The following CLSTN2 variants were observed in gnomAD, a reference collection of about 807,000 sequenced individuals.
CLSTN2 encodes the protein calsyntenin-2.
A neutral mutation model predicts 101.2 loss-of-function variants in CLSTN2; 48 were observed. The ratio of observed to expected loss-of-function variants is 0.47; its 90% CI spans 0.38 to 0.60. The LOEUF is 0.60. Ranked by LOEUF, CLSTN2 falls within the 20% of genes least tolerant of loss-of-function variation. The pLI, the probability that CLSTN2 is intolerant of heterozygous loss-of-function variation, is 0.00. For synonymous variants in CLSTN2, 481 were observed against 463.6 expected (o/e 1.04, Z -0.48); for missense variants, 1,160 against 1,238.2 (o/e 0.94, Z 0.95).
At chr3:140,052,200 C>T (rs1316193366) in intron 1 of CLSTN2, among the ~76,000 whole-genome samples, 1 of 152,062 alleles carries the variant, frequency 6.6e-6, no homozygotes, top group African/African-American at 2.4e-5. Context: ...GCTCTGTCGC[C>T]CAGGCTGGAG....
rs145733811 is a variant in CLSTN2 at position 140,215,977 on chromosome 3, C to T, written c.232+39904C>T. Among the ~76,000 whole-genome samples the T allele has an allele frequency of 4.4e-3, 675 of 152,270 alleles. 4 individuals carry two copies. Among genetic ancestry groups the T allele is most frequent in the African/African-American group, 0.015 (621 of 41,574 alleles). On this transcript the variant is annotated intron_variant, in intron 2 of 16. Transcript: ENST00000458420. ...CAGGGGTCCCCAACCCCTGGGGCCT[C>T]GGGCCATTACTGGTCCATGGCCTGT...
intron 1 of CLSTN2, among the ~76,000 whole-genome samples, chr3:139,941,027 T>C (rs1451716910): frequency 6.6e-6 from 1 of 152,158 alleles, no homozygotes; most frequent in African/African-American, 2.4e-5. Flanking sequence ...AAGGCATACT[T>C]TTTTGTTTAA....
At chr3:140,271,976 T>C (rs1576493865) in intron 2 of CLSTN2, among the ~76,000 whole-genome samples, 1 of 152,346 alleles carries the variant, frequency 6.6e-6, no homozygotes, top group Admixed American at 6.5e-5. Flanking sequence ...TAACTTCCTG[T>C]CCTATTCTTT....
intron 1 of CLSTN2, among the ~76,000 whole-genome samples, chr3:139,945,165 T>C (rs1935196930): frequency 1.3e-5 from 2 of 152,196 alleles, no homozygotes; most frequent in Admixed American, 6.5e-5. Flanking sequence ...CTTTGGAGTC[T>C]TAATCAAGTC....
chr3:140,449,717 G>C (rs1933194398), intron 6 of CLSTN2: 1 of 152,162 alleles, frequency 6.6e-6, no homozygotes, highest in Non-Finnish European at 1.5e-5. Context: ...CAGCTGTCTT[G>C]GTTCTATGTA....
At chr3:140,507,538 C>T (rs1221118963) in intron 8 of CLSTN2, 1 of 152,142 alleles carries the variant, frequency 6.6e-6, no homozygotes, top group African/African-American at 2.4e-5. Context: ...CACAAACCCA[C>T]CCCTCGCTTC....
At chr3:140,537,454 T>C (rs1935380380) in intron 9 of CLSTN2, among the ~76,000 whole-genome samples, 2 of 152,182 alleles carry the variant, frequency 1.3e-5, no homozygotes, top group African/African-American at 4.8e-5. Context: ...GTGGCATCTC[T>C]CAATTGTAGG....
chr3:140,387,888 T>C (rs1161138921), intron 2 of CLSTN2, among the ~76,000 whole-genome samples: 2 of 152,246 alleles, frequency 1.3e-5, no homozygotes, highest in African/African-American at 2.4e-5. Context: ...ATGATTCAGA[T>C]TTTTTGTTTC....
intron 2 of CLSTN2, among the ~76,000 whole-genome samples, chr3:140,368,742 C>G (rs1289961475): frequency 1.3e-5 from 2 of 152,196 alleles, no homozygotes; most frequent in African/African-American, 4.8e-5. Context: ...CTGAAAGGCC[C>G]TCTGCATGGG....
intron 1 of CLSTN2, among the ~76,000 whole-genome samples, chr3:140,061,978 G>T (rs187241372): frequency 1.3e-5 from 2 of 152,306 alleles, no homozygotes; most frequent in Non-Finnish European, 2.9e-5. Context: ...GAAAGCTCCT[G>T]TCTGCCAATA....
chr3:140,496,976 G>A (rs563713005), intron 8 of CLSTN2, among the ~76,000 whole-genome samples: 5 of 152,036 alleles, frequency 3.3e-5, no homozygotes, highest in East Asian at 3.9e-4. Flanking sequence ...TGGCATGCAC[G>A]TGTAATCCCA....
chr3:140,192,840 A>AT (rs976605003), intron 2 of CLSTN2, among the ~76,000 whole-genome samples: 1 of 151,566 alleles, frequency 6.6e-6, no homozygotes, highest in Non-Finnish European at 1.5e-5. Context: ...GTGTTGTTCT[A>AT]TTTTTTGGCG....
chr3:140,459,784 C>T lies in CLSTN2; in HGVS notation c.1222+15C>T. ...AGACAAAACCGGTGAGTCTCTAGCC[C>T]AGCCCTTCCACCCCTCCTACCCCAG... is the stretch of plus-strand genomic sequence containing the variant. On this transcript the variant is annotated intron_variant, in intron 7 of 16. Coordinates refer to ENST00000458420, the MANE Select transcript of CLSTN2 (RefSeq NM_022131.3). The T allele has an allele frequency of 1.3e-6, 2 of 1,569,752 alleles. No individual in the cohort carries two copies. Among genetic ancestry groups the T allele is most frequent in the Non-Finnish European group, 8.6e-7 (1 of 1,157,194 alleles).
chr3:140,252,767 G>A (rs1056032271), intron 2 of CLSTN2, among the ~76,000 whole-genome samples: 14 of 152,186 alleles, frequency 9.2e-5, no homozygotes, highest in Non-Finnish European at 1.6e-4. Flanking sequence ...TAGCTGTGTG[G>A]CGCATGATGC....
At chr3:140,246,249 G>A (rs767874006) in intron 2 of CLSTN2, among the ~76,000 whole-genome samples, 13 of 152,120 alleles carry the variant, frequency 8.5e-5, no homozygotes, top group Non-Finnish European at 1.8e-4. Flanking sequence ...ATTTTCCCCA[G>A]GAGAGTCATG....
intron 1 of CLSTN2, among the ~76,000 whole-genome samples, chr3:140,130,161 G>C (rs1199687599): frequency 1.3e-5 from 2 of 152,156 alleles, no homozygotes; most frequent in Non-Finnish European, 2.9e-5. Context: ...GGAGCTTCAT[G>C]GTCCTAGAGA....
intron 5 of CLSTN2, among the ~76,000 whole-genome samples, chr3:140,436,450 T>C (rs1180757808): frequency 2.0e-5 from 3 of 152,200 alleles, no homozygotes; most frequent in Admixed American, 2.0e-4. Flanking sequence ...ATGCAGACCA[T>C]GAAGTAAGTA....
At chr3:140,124,364 G>A (rs1037941559) in intron 1 of CLSTN2, among the ~76,000 whole-genome samples, 1 of 152,168 alleles carries the variant, frequency 6.6e-6, no homozygotes, top group Non-Finnish European at 1.5e-5. Flanking sequence ...CTGCAGAGGG[G>A]CTGAGCTACA....
At chr3:140,151,844 T>G (rs2009871445) in intron 1 of CLSTN2, among the ~76,000 whole-genome samples, 1 of 152,100 alleles carries the variant, frequency 6.6e-6, no homozygotes, top group African/African-American at 2.4e-5. Context: ...GCCTAAGCAG[T>G]GGGGGTAGAA....
Sources: allele counts gnomAD v4.1 joint callset (sites outside exome capture counted in the v4.1 genomes callset), GRCh38; gene constraint gnomAD v4.1.1; transcripts MANE v1.5; gene names NCBI Gene and HGNC (gene_info 2026-07-23, HGNC 2026-07-21).